The following ATP2B2 variants were observed in gnomAD, a reference collection of about 807,000 sequenced individuals.
The protein encoded by ATP2B2 is ATPase plasma membrane Ca2+ transporting 2.
Under a neutral mutation model 120.0 loss-of-function variants are expected in ATP2B2, and 15 were observed. The observed-to-expected ratio is 0.12, with a 90% CI of 0.08 to 0.19. The LOEUF is 0.19. Ranked by LOEUF, ATP2B2 falls within the 10% of genes least tolerant of loss-of-function variation. The pLI is 1.00. For missense variants in ATP2B2, 1,045 were observed against 1,719.8 expected (o/e 0.61, Z 6.94); for synonymous variants, 694 against 700.3 (o/e 0.99, Z 0.14).
At chr3:10,652,688 C>T (rs1012448644) in intron 1 of ATP2B2, among the ~76,000 whole-genome samples, 2 of 152,084 alleles carry the variant, frequency 1.3e-5, no homozygotes, top group Non-Finnish European at 2.9e-5. Flanking sequence ...TCACAATAGC[C>T]AAAATATGGG....
chr3:10,559,818 G>A (rs1054745004), intron 2 of ATP2B2, among the ~76,000 whole-genome samples: 2 of 152,168 alleles, frequency 1.3e-5, no homozygotes, highest in African/African-American at 4.8e-5. Flanking sequence ...CCTTCCGCGG[G>A]GAGCTCAGAA....
At chr3:10,497,135 G>T (rs142958464) in intron 1 of ATP2B2, among the ~76,000 whole-genome samples, 1 of 152,326 alleles carries the variant, frequency 6.6e-6, no homozygotes, top group African/African-American at 2.4e-5. Context: ...GAAAATTGAG[G>T]GAAGACAGAA....
At chr3:10,576,947 G>T (rs552093943) in intron 2 of ATP2B2, among the ~76,000 whole-genome samples, 3 of 151,396 alleles carry the variant, frequency 2.0e-5, no homozygotes, top group African/African-American at 7.3e-5. Context: ...CCAGCTACTC[G>T]GGAGGCTGAG....
intron 2 of ATP2B2, among the ~76,000 whole-genome samples, chr3:10,546,094 A>G (rs2067539328): frequency 1.3e-5 from 2 of 152,222 alleles, no homozygotes; most frequent in Non-Finnish European, 2.9e-5. Flanking sequence ...TTTCTATAGT[A>G]AACGTGCATG....
intron 2 of ATP2B2, among the ~76,000 whole-genome samples, chr3:10,613,925 T>C (rs1413528928): frequency 6.6e-6 from 1 of 152,102 alleles, no homozygotes; most frequent in South Asian, 2.1e-4. Context: ...GCTTCCTTGA[T>C]GTTCCCCAAA....
intron 2 of ATP2B2, among the ~76,000 whole-genome samples, chr3:10,442,840 C>T (rs1178831266): frequency 6.6e-6 from 1 of 152,250 alleles, no homozygotes; most frequent in Non-Finnish European, 1.5e-5. Context: ...ATGTGCCAGG[C>T]ACTAAGTGCT....
chr3:10,633,082 G>C (rs1291257735), intron 1 of ATP2B2, among the ~76,000 whole-genome samples: 1 of 152,234 alleles, frequency 6.6e-6, no homozygotes, highest in African/African-American at 2.4e-5. Flanking sequence ...GCTGGGAACA[G>C]GGGCCCTGAG....
At chr3:10,542,678 T>C (rs2067465190) in intron 2 of ATP2B2, among the ~76,000 whole-genome samples, 1 of 152,218 alleles carries the variant, frequency 6.6e-6, no homozygotes, top group African/African-American at 2.4e-5. Flanking sequence ...CTCCTGACTG[T>C]AATGGTTTCT....
chr3:10,668,665 G>A (rs928163379), intron 1 of ATP2B2, among the ~76,000 whole-genome samples: 3 of 151,066 alleles, frequency 2.0e-5, no homozygotes, highest in Non-Finnish European at 4.4e-5. Flanking sequence ...CACCCCTTCT[G>A]CACTTCAAAC....
chr3:10,418,591 G>A (rs2062867072), intron 2 of ATP2B2, among the ~76,000 whole-genome samples: 1 of 152,100 alleles, frequency 6.6e-6, no homozygotes, highest in African/African-American at 2.4e-5. Flanking sequence ...CTGTTCTGAG[G>A]CCCCATGGGG....
intron 1 of ATP2B2, among the ~76,000 whole-genome samples, chr3:10,469,182 A>T (rs2064878642): frequency 6.6e-6 from 1 of 152,238 alleles, no homozygotes; most frequent in African/African-American, 2.4e-5. Context: ...CCTGCACATG[A>T]TAACAACTGA....
At chr3:10,587,674 T>C (rs2068544274) in intron 2 of ATP2B2, among the ~76,000 whole-genome samples, 1 of 152,212 alleles carries the variant, frequency 6.6e-6, no homozygotes, top group African/African-American at 2.4e-5. Context: ...GCCACCGCGC[T>C]GGGCCTAGTT....
chr3:10,500,540 G>A (rs1034234516), intron 1 of ATP2B2, among the ~76,000 whole-genome samples: 3 of 151,654 alleles, frequency 2.0e-5, no homozygotes, highest in African/African-American at 7.3e-5. Context: ...TAGAAGCAGA[G>A]GAGAGGACAC....
At chr3:10,539,848 G>T (rs964549063) in intron 2 of ATP2B2, among the ~76,000 whole-genome samples, 1 of 152,090 alleles carries the variant, frequency 6.6e-6, no homozygotes, top group South Asian at 2.1e-4. Flanking sequence ...CAATAGCAAC[G>T]AAAGCCAAAA....
intron 2 of ATP2B2, among the ~76,000 whole-genome samples, chr3:10,617,425 C>G (rs1397570636): frequency 6.6e-6 from 1 of 152,186 alleles, no homozygotes; most frequent in Non-Finnish European, 1.5e-5. Context: ...AAGTGACAGC[C>G]ATCCCCGGCT....
At chr3:10,682,980 C>A (rs1575619788) in intron 1 of ATP2B2, among the ~76,000 whole-genome samples, 1 of 152,058 alleles carries the variant, frequency 6.6e-6, no homozygotes, top group East Asian at 1.9e-4. Context: ...CCATGTTAGC[C>A]CTCTGTATGC....
At chr3:10,447,885 T>C (rs1189510141) in intron 2 of ATP2B2, among the ~76,000 whole-genome samples, 1 of 152,262 alleles carries the variant, frequency 6.6e-6, no homozygotes, top group African/African-American at 2.4e-5. Flanking sequence ...AAGGTGTTTC[T>C]AAACTTCTGC....
In ATP2B2 at chr3:10,360,055, G is replaced by A. The variant is rs202194211; in HGVS notation, c.1728C>T (p.Phe576=). 6.1e-5 allele frequency: 99 copies of A among 1,612,312 alleles called. No homozygotes were observed. Among genetic ancestry groups the A allele is most frequent in the African/African-American group, 1.1e-4 (8 of 75,012 alleles). ...CGTAGTCCTGCTTCAGGTCCAGCAC[G>A]AAGCCCAGCAGGCCGCACTCCGTCT... The part of the protein sequence containing the change: ...GNKTECGLLG[F]VLDLKQDYEP... Residue 576 remains phenylalanine, a synonymous_variant, in exon 13 of 23, where the codon TTC becomes TTT. Transcript: ENST00000360273.
chr3:10,452,616 G>A (rs1460921047), intron 1 of ATP2B2, among the ~76,000 whole-genome samples: 1 of 152,098 alleles, frequency 6.6e-6, no homozygotes, highest in Non-Finnish European at 1.5e-5. Context: ...GCAGAAGGAA[G>A]GAAATGAGGT....
Sources: gnomAD v4.1 joint callset for allele counts (sites outside exome capture counted in the v4.1 genomes callset) on GRCh38, gnomAD v4.1.1 for gene constraint, MANE v1.5 for transcripts, NCBI Gene and HGNC (gene_info 2026-07-23, HGNC 2026-07-21) for gene names.